CFI: variants seen among roughly 807,000 people sequenced by gnomAD.
The protein encoded by CFI is C3B/C4B inactivator.
CFI carries 66 observed loss-of-function variants against 78.8 expected under a neutral mutation model. That is an observed-to-expected ratio of 0.84 (90% CI 0.69 to 1.03). The LOEUF is 1.03. CFI is among the 50% of genes least tolerant of loss of function. The pLI is 0.00. For synonymous variants in CFI, 250 were observed against 232.6 expected (o/e 1.07, Z -0.68); for missense variants, 706 against 704.5 (o/e 1.00, Z -0.02).
intron 1 of CFI, among the ~76,000 whole-genome samples, chr4:109,782,986 T>G (rs1730256863): frequency 6.6e-6 from 1 of 152,050 alleles, no homozygotes; most frequent in African/African-American, 2.4e-5. Flanking sequence ...TGTAGGAGAA[T>G]GAAAGTGGAT....
At position 109,749,366 on chromosome 4, in the gene CFI, G is replaced by T. The variant is rs539931916; in HGVS notation, c.1045-45C>A. ...GGTCACTGCCATTCTAACAGATAGC[G>T]ATACAAACAGCCCTAAGATATTTCC... On this transcript the variant is annotated intron_variant, in intron 9 of 12. Transcript: ENST00000394634. 4.2e-4 allele frequency: 646 copies of T among 1,543,296 alleles called. 14 individuals are homozygous for T. In the South Asian group the frequency reaches 6.8e-3, roughly 16 times the overall value.
intron 1 of CFI, among the ~76,000 whole-genome samples, chr4:109,775,838 G>A (rs1036089490): frequency 3.3e-5 from 5 of 152,120 alleles, no homozygotes; most frequent in African/African-American, 9.7e-5. Flanking sequence ...AATATTTGCT[G>A]GTCTGTAGCC....
chr4:109,772,814 C>T (rs1451985475), intron 1 of CFI, among the ~76,000 whole-genome samples: 1 of 152,048 alleles, frequency 6.6e-6, no homozygotes, highest in African/African-American at 2.4e-5. Flanking sequence ...AAACTCTTGG[C>T]CTTAAACAAT....
At chr4:109,765,739 G>A (rs948327794) in intron 2 of CFI, among the ~76,000 whole-genome samples, 1 of 152,044 alleles carries the variant, frequency 6.6e-6, no homozygotes, top group African/African-American at 2.4e-5. Context: ...TCCCAGGTCA[G>A]CAGTGGCTCA....
At chr4:109,753,520 ATATTTATAAT>A (rs1305698814) in intron 7 of CFI, among the ~76,000 whole-genome samples, 1 of 30,498 alleles carries the variant, frequency 3.3e-5, no homozygotes, top group African/African-American at 1.0e-4. Context: ...ATATAAATAA[ATATTTATAAT>A]AAATATTTAT....
At chr4:109,790,961 C>G (rs1186208914) in intron 1 of CFI, among the ~76,000 whole-genome samples, 2 of 152,272 alleles carry the variant, frequency 1.3e-5, no homozygotes, top group South Asian at 4.1e-4. Flanking sequence ...TAGGTATATA[C>G]CCAGTAATGG....
At chr4:109,779,163 T>C (rs1425021772) in intron 1 of CFI, among the ~76,000 whole-genome samples, 1 of 151,996 alleles carries the variant, frequency 6.6e-6, no homozygotes, top group Non-Finnish European at 1.5e-5. Context: ...AAATAAAGGG[T>C]ATTCAATTAG....
intron 1 of CFI, among the ~76,000 whole-genome samples, chr4:109,791,531 A>G (rs988219571): frequency 2.6e-5 from 4 of 152,170 alleles, no homozygotes; most frequent in Admixed American, 1.3e-4. Context: ...TATGTCCAGA[A>G]TAGTATTGCC....
the CFI span, among the ~76,000 whole-genome samples, chr4:109,733,063 C>T: frequency 6.6e-6 from 1 of 151,770 alleles, no homozygotes; most frequent in African/African-American, 2.4e-5. Flanking sequence ...CCTCCGCCTC[C>T]CAGGTTCAAG....
At chr4:109,731,081 G>A in the CFI span, among the ~76,000 whole-genome samples, 1 of 152,126 alleles carries the variant, frequency 6.6e-6, no homozygotes, top group Admixed American at 6.5e-5. Flanking sequence ...GACCAAGCGC[G>A]GTGGTTTACG....
At position 109,766,708 on chromosome 4, in the gene CFI, G is replaced by T; in HGVS notation, c.174C>A (p.Thr58=). 1.2e-6 allele frequency: 2 copies of T among 1,614,196 alleles called. No individual in the cohort carries two copies. Among genetic ancestry groups the T allele is most frequent in the Non-Finnish European group, 1.7e-6 (2 of 1,180,036 alleles). The change falls in exon 2 of 13, where the codon ACC becomes ACA. Residue 58 remains threonine, a synonymous_variant. Transcript: ENST00000394634. Reference sequence around the variant, plus strand: ...ACTGATACGGTAGTTTACAAACACAGGTGCCCTCAATGCATCTCTGCCATG... The same window carrying T: ...ACTGATACGGTAGTTTACAAACACATGTGCCCTCAATGCATCTCTGCCATG... ...CQPWQRCIEG[T]CVCKLPYQCP... is the part of the protein sequence containing the mutation.
chr4:109,750,147 C>G (rs1724974191), intron 8 of CFI, among the ~76,000 whole-genome samples: 1 of 152,022 alleles, frequency 6.6e-6, no homozygotes, highest in African/African-American at 2.4e-5. Context: ...CAGGCGCCCA[C>G]CCCCACGCCC....
Position 109,746,383 on chromosome 4 carries a change from G to A in CFI, c.1268C>T (p.Ala423Val), listed in dbSNP as rs555832641. Reference sequence around the variant, plus strand: ...AGCGATGTCATTTTGGTAAGTGCCTGCATTGTAGTTTTCATGGAAAATAAT... The same window carrying A: ...AGCGATGTCATTTTGGTAAGTGCCTACATTGTAGTTTTCATGGAAAATAAT... The part of the protein sequence containing the change: ...DRIIFHENYN[A>V]GTYQNDIALI... Residue 423 changes from alanine (A) to valine (V), a missense_variant, in exon 11 of 13, where the codon GCA (alanine) becomes GTA (valine). By Grantham distance (64) the Ala-to-Val change is moderately conservative. Coordinates refer to ENST00000394634, the MANE Select transcript of CFI (RefSeq NM_000204.5). 1.9e-6 allele frequency: 3 copies of A among 1,614,034 alleles called. No homozygotes were observed. Among genetic ancestry groups the A allele is most frequent in the Non-Finnish European group, 2.5e-6 (3 of 1,180,008 alleles).
chr4:109,798,361 G>A (rs555416127), intron 1 of CFI, among the ~76,000 whole-genome samples: 1 of 152,116 alleles, frequency 6.6e-6, no homozygotes, highest in Non-Finnish European at 1.5e-5. Flanking sequence ...AAGAGAGTGA[G>A]AGGAAACTTT....
intron 10 of CFI, among the ~76,000 whole-genome samples, chr4:109,747,791 C>CG (rs1032058547): frequency 6.6e-6 from 1 of 152,054 alleles, no homozygotes; most frequent in Non-Finnish European, 1.5e-5. Context: ...GTGGAAAACT[C>CG]GGGGGAGGAG....
intron 1 of CFI, among the ~76,000 whole-genome samples, chr4:109,775,924 C>T (rs1303774555): frequency 6.6e-6 from 1 of 152,134 alleles, no homozygotes; most frequent in Non-Finnish European, 1.5e-5. Context: ...AGCTGAGGGT[C>T]CTGACTGTTA....
At position 109,752,458 on chromosome 4, in the gene CFI, G is replaced by T. The variant is rs779430793; in HGVS notation, c.940+10C>A. The T allele has an allele frequency of 6.2e-7, 1 of 1,612,866 alleles. No homozygotes were observed. Among genetic ancestry groups the T allele is most frequent in the Non-Finnish European group, 8.5e-7 (1 of 1,179,196 alleles). On this transcript the variant is annotated intron_variant, in intron 8 of 12. Transcript: ENST00000394634. ...TGAGCCACCAATAAAAAAGTATAACGTTAGCTTACCTGCATCCATGTCAGC... is the reference window on the plus strand; with the variant it reads ...TGAGCCACCAATAAAAAAGTATAACTTTAGCTTACCTGCATCCATGTCAGC...
chr4:109,778,389 G>A (rs1286011621), intron 1 of CFI, among the ~76,000 whole-genome samples: 1 of 152,088 alleles, frequency 6.6e-6, no homozygotes, highest in Non-Finnish European at 1.5e-5. Flanking sequence ...AGAAGAAATG[G>A]ATAAATTCCT....
chr4:109,793,552 T>C (rs914868413), intron 1 of CFI: 2 of 152,236 alleles, frequency 1.3e-5, no homozygotes, highest in African/African-American at 4.8e-5. Context: ...ATTTTAGAGA[T>C]GATCTCACTC....
Sources: gnomAD v4.1 joint callset for allele counts (sites outside exome capture counted in the v4.1 genomes callset) on GRCh38, gnomAD v4.1.1 for gene constraint, MANE v1.5 for transcripts, NCBI Gene and HGNC (gene_info 2026-07-23, HGNC 2026-07-21) for gene names.